The following NREP variants were observed in gnomAD, a reference collection of about 807,000 sequenced individuals.
NREP encodes the protein neuronal regeneration related protein.
NREP carries 5 observed loss-of-function variants against 8.6 expected under a neutral mutation model. That is an observed-to-expected ratio of 0.58 (90% confidence interval 0.30 to 1.22). NREP has a LOEUF of 1.22. NREP is among the 50% of genes most tolerant of loss of function. The pLI is 0.07. For missense variants in NREP, 86 were observed against 82.5 expected, an observed-to-expected ratio of 1.04 and a Z score of -0.17; for synonymous variants, 27 against 28.0, an observed-to-expected ratio of 0.96 and a Z score of 0.11.
At position 111,848,229 on chromosome 5, in the gene NREP, AAGTT is replaced by A. The variant is rs575647459; in HGVS notation, c.136-112726_136-112723del. Among the ~76,000 whole-genome samples, 713 of 152,274 alleles carry A rather than the reference AAGTT, an allele frequency of 4.7e-3. 4 individuals carry two copies. Among genetic ancestry groups the A allele is most frequent in the African/African-American group, 0.016 (670 of 41,570 alleles). The stretch of plus-strand genomic sequence containing the variant: ...GTTTGATATAAATTTAAAAGTTAGT[AAGTT>A]CTTTCTTTCACATCAACTATTTTTA... On this transcript the variant is annotated intron_variant, in intron 2 of 3. Coordinates refer to the NREP transcript ENST00000395634.
chr5:111,870,724 A>AG (rs1561702105), intron 2 of NREP, among the ~76,000 whole-genome samples: 1 of 152,072 alleles, frequency 6.6e-6, no homozygotes, highest in East Asian at 1.9e-4. Flanking sequence ...CTTACAAGAA[A>AG]AGAGAGAGAC....
At chr5:111,815,133 G>A (rs1752356258) in intron 2 of NREP, among the ~76,000 whole-genome samples, 1 of 152,040 alleles carries the variant, frequency 6.6e-6, no homozygotes, top group South Asian at 2.1e-4. Flanking sequence ...AACAGAAACC[G>A]GCTAGACTAT....
chr5:111,750,260 C>T (rs1750271145), intron 2 of NREP, among the ~76,000 whole-genome samples: 1 of 152,190 alleles, frequency 6.6e-6, no homozygotes, highest in Non-Finnish European at 1.5e-5. Flanking sequence ...TCATCTAAAT[C>T]TACCCAAATA....
At chr5:111,847,484 A>C (rs1753210907) in intron 2 of NREP, among the ~76,000 whole-genome samples, 1 of 152,204 alleles carries the variant, frequency 6.6e-6, no homozygotes, top group South Asian at 2.1e-4. Context: ...AGACATAAAC[A>C]GTCCATAGCA....
intron 2 of NREP, among the ~76,000 whole-genome samples, chr5:111,945,816 C>CA (rs1755963180): frequency 1.3e-5 from 2 of 151,464 alleles, no homozygotes; most frequent in South Asian, 2.1e-4. Context: ...AGAACGTTTG[C>CA]AAAAAAAGAG....
At chr5:111,881,526 C>A (rs1034466072) in intron 2 of NREP, among the ~76,000 whole-genome samples, 3 of 152,194 alleles carry the variant, frequency 2.0e-5, no homozygotes, top group Non-Finnish European at 4.4e-5. Flanking sequence ...AGACTGCCTC[C>A]TCAAGTGGGT....
At chr5:111,857,308 G>A (rs763611364) in intron 2 of NREP, among the ~76,000 whole-genome samples, 5 of 152,194 alleles carry the variant, frequency 3.3e-5, no homozygotes, top group African/African-American at 4.8e-5. Context: ...TGTGTAGTAC[G>A]GGCTTTACTG....
intron 2 of NREP, among the ~76,000 whole-genome samples, chr5:111,855,262 C>T (rs993615054): frequency 6.6e-6 from 1 of 152,160 alleles, no homozygotes; most frequent in Non-Finnish European, 1.5e-5. Flanking sequence ...TGGTTTGGGA[C>T]TTTGATCAAG....
At chr5:111,755,957 T>C (rs1750678444) in intron 1 of NREP, 127 bp from the exon 2 acceptor site, 1 of 1,468,448 alleles carries the variant, frequency 6.8e-7, no homozygotes, top group Non-Finnish European at 9.0e-7. Context: ...ATGCAAATTA[T>C]TGTTAACTAC....
At chr5:111,755,222 A>C (rs1174697666) in intron 2 of NREP, 5 of 152,888 alleles carry the variant, frequency 3.3e-5, no homozygotes, top group Non-Finnish European at 7.3e-5. Context: ...TCTAAAATTG[A>C]GTACATGTCT....
intron 2 of NREP, among the ~76,000 whole-genome samples, chr5:111,914,270 G>A (rs890851847): frequency 6.6e-6 from 1 of 152,074 alleles, no homozygotes; most frequent in Non-Finnish European, 1.5e-5. Flanking sequence ...AAAGACCTAT[G>A]CTAACATTCT....
chr5:111,932,606 T>A (rs1202011623), intron 2 of NREP, among the ~76,000 whole-genome samples: 2 of 152,160 alleles, frequency 1.3e-5, no homozygotes, highest in Non-Finnish European at 2.9e-5. Context: ...AACAACATTT[T>A]GCCCCCTCCT....
chr5:111,750,013 G>C (rs1055737613), intron 2 of NREP, among the ~76,000 whole-genome samples: 1 of 152,130 alleles, frequency 6.6e-6, no homozygotes, highest in African/African-American at 2.4e-5. Flanking sequence ...ACCTGAGACA[G>C]GTTGGTAACC....
chr5:111,858,388 C>T (rs1254521894), intron 2 of NREP, among the ~76,000 whole-genome samples: 2 of 152,122 alleles, frequency 1.3e-5, no homozygotes, highest in Admixed American at 1.3e-4. Flanking sequence ...CCACCAAGTC[C>T]AGAGCACCCA....
chr5:111,915,350 T>A (rs1755027491), intron 2 of NREP, among the ~76,000 whole-genome samples: 1 of 152,108 alleles, frequency 6.6e-6, no homozygotes, highest in Non-Finnish European at 1.5e-5. Context: ...ATTTCTTTAA[T>A]AAATCACTTG....
At chr5:111,961,760 G>A (rs543415729) in intron 2 of NREP, among the ~76,000 whole-genome samples, 1 of 152,140 alleles carries the variant, frequency 6.6e-6, no homozygotes, top group Non-Finnish European at 1.5e-5. Flanking sequence ...TTATGAACTA[G>A]AGCTCCAAAT....
intron 2 of NREP, among the ~76,000 whole-genome samples, chr5:111,927,445 C>T (rs1396184593): frequency 4.6e-5 from 7 of 151,980 alleles, no homozygotes; most frequent in South Asian, 2.1e-4. Context: ...CTGAGATAAG[C>T]GCTCTGTGGA....
chr5:111,900,896 T>C (rs1476242362), intron 2 of NREP, among the ~76,000 whole-genome samples: 2 of 152,170 alleles, frequency 1.3e-5, no homozygotes, highest in Admixed American at 1.3e-4. Context: ...GAATTTTTCT[T>C]AATTTATTTT....
intron 2 of NREP, among the ~76,000 whole-genome samples, chr5:111,936,797 C>A (rs1317904370): frequency 6.6e-6 from 1 of 152,062 alleles, no homozygotes; most frequent in Non-Finnish European, 1.5e-5. Context: ...CGTAACACAG[C>A]AAAGAAAATG....
Sources: gnomAD v4.1 joint callset for allele counts (sites outside exome capture counted in the v4.1 genomes callset) on GRCh38, gnomAD v4.1.1 for gene constraint, MANE v1.5 for transcripts, NCBI Gene and HGNC (gene_info 2026-07-23, HGNC 2026-07-21) for gene names.